Variants in TSC22D1 observed in about 807,000 individuals in gnomAD.
The protein encoded by TSC22D1 is TSC22 domain family protein 1.
In TSC22D1, 9 loss-of-function variants were observed where a neutral mutation model predicts 74.2. The observed-to-expected ratio is 0.12, with a 90% CI of 0.07 to 0.21. The LOEUF (loss-of-function observed/expected upper bound fraction) is 0.21. Among genes scored for constraint, TSC22D1 ranks in the 10% least tolerant of loss-of-function variants. TSC22D1 has a pLI of 1.00. For synonymous variants in TSC22D1, 586 were observed against 492.5 expected, an observed-to-expected ratio of 1.19 and a Z score of -2.51; for missense variants, 1,427 against 1,304.7, an observed-to-expected ratio of 1.09 and a Z score of -1.44.
intron 1 of TSC22D1, chr13:44,539,211 T>C: frequency 2.0e-5 from 20 of 985,260 alleles, no homozygotes; most frequent in Non-Finnish European, 2.3e-5. Context: ...CATTCATTCA[T>C]ACTTATGTTT....
intron 1 of TSC22D1, among the ~76,000 whole-genome samples, chr13:44,480,085 C>G (rs1878107862): frequency 6.7e-6 from 1 of 148,736 alleles, no homozygotes; most frequent in African/African-American, 2.5e-5. Context: ...AATAACAAGA[C>G]TGATAAGTTT....
In TSC22D1 at chr13:44,434,704, G is replaced by T. The variant is rs149395720; in HGVS notation, c.3144C>A (p.Pro1048=). ...TGCCCTGTGGCTGGGTGGTGGCAGG[G>T]GGGGAGCCAGTCTGCAGCTGGGCCT... The part of the protein sequence containing the change: ...QFQAQLQTGS[P]PATTQPQGTT... The change falls in exon 3 of 3, where the codon CCC becomes CCA. Residue 1048 remains proline, a synonymous_variant. Transcript: ENST00000458659. 69 of 1,611,836 alleles carry T rather than the reference G, an allele frequency of 4.3e-5. No individual in the cohort carries two copies. In the African/African-American group the frequency reaches 5.9e-4, roughly 14 times the overall value.
At chr13:44,443,063 C>T (rs866797033) in intron 1 of TSC22D1, among the ~76,000 whole-genome samples, 1 of 143,180 alleles carries the variant, frequency 7.0e-6, no homozygotes, top group Non-Finnish European at 1.5e-5. Flanking sequence ...TAAGAAATAA[C>T]GGTAATTTTC....
At chr13:44,503,400 T>C (rs942743006) in intron 1 of TSC22D1, among the ~76,000 whole-genome samples, 1 of 151,602 alleles carries the variant, frequency 6.6e-6, no homozygotes, top group Non-Finnish European at 1.5e-5. Context: ...GGGATTCTAT[T>C]TTGGAATCTA....
chr13:44,575,861 A>C lies in TSC22D1; in HGVS notation c.214T>G (p.Ser72Ala). Residue 72 changes from serine (S) to alanine (A), a missense_variant, in exon 1 of 3, where the codon TCT (serine) becomes GCT (alanine). This residue lies in a region of TSC22D1 where 1,343 missense variants were observed against 1,191.5 expected (regional missense o/e 1.13). Coordinates refer to ENST00000458659, the MANE Select transcript of TSC22D1 (RefSeq NM_183422.4). ...GGAGGCTGTGGTCCCGACGTAGAAGATGCTGCAGGGGGCGGCGGCTGAAGC... is the reference window on the plus strand; with the variant it reads ...GGAGGCTGTGGTCCCGACGTAGAAGCTGCTGCAGGGGGCGGCGGCTGAAGC... ...SLLQPPPPAA[S>A]STSGPQPPPP... is the part of the protein sequence containing the mutation. 1.2e-6 allele frequency: 2 copies of C among 1,613,990 alleles called. No individual in the cohort carries two copies. Among genetic ancestry groups the C allele is most frequent in the Non-Finnish European group, 1.7e-6 (2 of 1,179,976 alleles).
chr13:44,440,587 CA>C (rs67344848), intron 1 of TSC22D1, among the ~76,000 whole-genome samples: 25,518 of 69,068 alleles, frequency 0.37, 1,245 homozygotes, highest in Non-Finnish European at 0.39. Flanking sequence ...GGCTCTGTCT[CA>C]AAAAAAAAAA....
rs745481834 is a variant in TSC22D1 at position 44,574,419 on chromosome 13, T to C, written c.1656A>G (p.Gln552=). 3 of 1,614,128 alleles carry C rather than the reference T, an allele frequency of 1.9e-6. No homozygotes were observed. The highest frequency in any genetic ancestry group is 1.3e-5 in the African/African-American group (1 of 74,946). ...SQISQVQLQS[Q]ELSYQQKQGL... is the part of the protein sequence containing the mutation. ...CTTGCTTTTGCTGATAGCTCAGTTCTTGAGACTGTAATTGTACTTGTGAGA... is the reference window on the plus strand; with the variant it reads ...CTTGCTTTTGCTGATAGCTCAGTTCCTGAGACTGTAATTGTACTTGTGAGA... Residue 552 remains glutamine, a synonymous_variant, in exon 1 of 3, where the codon CAA becomes CAG. Coordinates refer to ENST00000458659, the MANE Select transcript of TSC22D1 (RefSeq NM_183422.4).
chr13:44,436,465 A>G (rs1041200586), intron 1 of TSC22D1: 1 of 1,604,932 alleles, frequency 6.2e-7, no homozygotes, highest in Non-Finnish European at 8.5e-7. Flanking sequence ...TAAGTATCCC[A>G]CGAATAAATT....
chr13:44,496,608 C>T (rs1006356764), intron 1 of TSC22D1, among the ~76,000 whole-genome samples: 10 of 152,010 alleles, frequency 6.6e-5, no homozygotes, highest in Admixed American at 6.6e-4. Flanking sequence ...TCACTGGAAC[C>T]CGAGAGGTGG....
intron 1 of TSC22D1, among the ~76,000 whole-genome samples, chr13:44,456,573 G>A (rs570062692): frequency 6.6e-5 from 10 of 152,164 alleles, no homozygotes; most frequent in South Asian, 2.1e-4. Flanking sequence ...AAGCCCAGCC[G>A]GCTTCACCTT....
intron 1 of TSC22D1, among the ~76,000 whole-genome samples, chr13:44,490,829 G>A (rs1878666506): frequency 6.6e-6 from 1 of 151,382 alleles, no homozygotes; most frequent in Non-Finnish European, 1.5e-5. Context: ...CCTGGGAGGT[G>A]GAGGTTGCGG....
rs1485253431 is a variant in TSC22D1 at position 44,491,380 on chromosome 13, T to C, written c.2913-55285A>G. 4.6e-5 allele frequency among the ~76,000 whole-genome samples: 7 copies of C among 151,878 alleles called. No individual in the cohort carries two copies. The East Asian group carries it at 5.8e-4, about 13-fold the overall frequency. On this transcript the variant is annotated intron_variant, in intron 1 of 2. Transcript: ENST00000458659. The stretch of plus-strand genomic sequence containing the variant: ...CATCCTGGCTAACATGGTGAAACCC[T>C]GTCTCTATTAAAAATACAAAAAAAT...
chr13:44,576,751 C>A (rs1240644423), upstream of TSC22D1, among the ~76,000 whole-genome samples: 3 of 151,272 alleles, frequency 2.0e-5, no homozygotes, highest in Non-Finnish European at 4.4e-5. Flanking sequence ...GGGGCGGCGG[C>A]GAGGCGCCCG....
chr13:44,537,285 T>C, intron 1 of TSC22D1: 1 of 972,382 alleles, frequency 1.0e-6, no homozygotes, highest in South Asian at 4.8e-5. Context: ...AATAAAAGTT[T>C]AAATAAACAA....
chr13:44,453,390 AC>A (rs1405508191), intron 1 of TSC22D1, among the ~76,000 whole-genome samples: 1 of 152,260 alleles, frequency 6.6e-6, no homozygotes. Context: ...ACCAAACTTA[AC>A]AAGGAACACC....
intron 1 of TSC22D1, among the ~76,000 whole-genome samples, chr13:44,474,682 A>C (rs1382472428): frequency 6.6e-6 from 1 of 151,910 alleles, no homozygotes; most frequent in African/African-American, 2.4e-5. Flanking sequence ...GAAAGGATGA[A>C]GGAAGGGTTA....
chr13:44,526,573 A>G (rs1385331178), intron 1 of TSC22D1, among the ~76,000 whole-genome samples: 2 of 152,170 alleles, frequency 1.3e-5, no homozygotes, highest in African/African-American at 4.8e-5. Flanking sequence ...AAAGAAAGAG[A>G]GAAGGAAACA....
intron 1 of TSC22D1, among the ~76,000 whole-genome samples, chr13:44,498,814 T>C (rs1879093155): frequency 6.6e-6 from 1 of 152,226 alleles, no homozygotes; most frequent in Non-Finnish European, 1.5e-5. Flanking sequence ...AACTTGTTTG[T>C]GTAATGTTTC....
At chr13:44,522,338 T>A (rs999927707) in intron 1 of TSC22D1, among the ~76,000 whole-genome samples, 4 of 152,194 alleles carry the variant, frequency 2.6e-5, no homozygotes, top group African/African-American at 9.7e-5. Context: ...ATTTTGTTGT[T>A]TGTATAAAGG....
Sources: gnomAD v4.1 joint callset for allele counts (sites outside exome capture counted in the v4.1 genomes callset) on GRCh38, gnomAD v4.1.1 for gene constraint, gnomAD v4.1.1 regional missense constraint, MANE v1.5 for transcripts, NCBI Gene and HGNC (gene_info 2026-07-23, HGNC 2026-07-21) for gene names.